Variants in MYO15B observed in about 807,000 individuals in gnomAD.
MYO15B encodes the protein myosin XVB.
MYO15B carries 207 observed loss-of-function variants against 119.3 expected under a neutral mutation model. The observed-to-expected ratio is 1.73, with a 90% CI of 1.55 to 1.95. The LOEUF (loss-of-function observed/expected upper bound fraction) is 1.95. Among genes scored for constraint, MYO15B ranks in the 30% most tolerant of loss-of-function variants. The pLI is 0.00. For synonymous variants in MYO15B, 966 were observed against 498.9 expected (o/e 1.94, Z -12.48); for missense variants, 2,264 against 1,203.1 (o/e 1.88, Z -13.04).
rs1298533965 is a variant in MYO15B, at chr17:75,623,385, T to C, written c.8083-396T>C. Among the ~76,000 whole-genome samples the C allele has an allele frequency of 4.6e-5, 7 of 152,162 alleles. No individual in the cohort carries two copies. In the East Asian group the frequency reaches 1.4e-3, roughly 29 times the overall value. ...GGCCCACATCTGTAATCCCAGCACT[T>C]TGGGAGGCCAAGGCGGGTGGATCAC... On this transcript the variant is annotated intron_variant, in intron 53 of 63. Coordinates refer to ENST00000645453, the Ensembl canonical transcript of MYO15B.
chr17:75,589,692 C>CG lies in MYO15B; in HGVS notation c.1636dup (p.Val546GlyfsTer18). 1 of 398,798 alleles carries CG rather than the reference C, an allele frequency of 2.5e-6. No homozygotes were observed. Among genetic ancestry groups the CG allele is most frequent in the Non-Finnish European group, 4.4e-6 (1 of 226,034 alleles). 24.7% of individuals were successfully genotyped at this position (398,798 alleles called of 1,614,324 possible). A position where few individuals can be genotyped will look rare whatever the true frequency, so the allele number is the denominator to read the frequency against. Reference sequence around the variant, plus strand: ...AGACTCCAGATCCCAAGTTCGCGGTCGTGTTCCCCAGGATCCACAGGGCAG... The same window carrying CG: ...AGACTCCAGATCCCAAGTTCGCGGTCGGTGTTCCCCAGGATCCACAGGGCAG... On this transcript the variant is annotated frameshift_variant, in exon 1 of 64. Coordinates refer to ENST00000645453, the Ensembl canonical transcript of MYO15B. LOFTEE classifies it high-confidence loss of function. The surrounding 1 kb of genome is among the most constrained non-coding windows in gnomAD (Gnocchi z 4.2).
chr17:75,617,595 G>A, intron 41 of MYO15B: 2 of 413,582 alleles, frequency 4.8e-6, no homozygotes, highest in Non-Finnish European at 9.0e-6. Flanking sequence ...GGCTGACATG[G>A]TCATAGAAGA....
At chr17:75,588,325 G>C (rs1042037498) in exon 1 of MYO15B, 2 of 398,484 alleles carry the variant, frequency 5.0e-6, no homozygotes, top group African/African-American at 4.1e-5. Context: ...GAAAGCCCAG[G>C]AGAGGCAAAG....
intron 14 of MYO15B, among the ~76,000 whole-genome samples, chr17:75,598,905 A>G (rs820264): frequency 0.67 from 101,719 of 151,900 alleles, 34,441 homozygotes; most frequent in East Asian, 0.78. Flanking sequence ...TGTGACATGT[A>G]CCATTTTCTG....
exon 64 of MYO15B, chr17:75,626,808 G>T: frequency 2.1e-6 from 1 of 482,922 alleles, no homozygotes; most frequent in Non-Finnish European, 3.7e-6. Context: ...GCCCAGGCAT[G>T]GGAGAAACAG....
intron 14 of MYO15B, among the ~76,000 whole-genome samples, chr17:75,599,345 G>A (rs2057090504): frequency 6.6e-6 from 1 of 151,766 alleles, no homozygotes; most frequent in Non-Finnish European, 1.5e-5. Context: ...CGTGATCTTG[G>A]CCCACTGCAA....
In MYO15B at chr17:75,621,950, G is replaced by C. The variant is rs945219144; in HGVS notation, c.8006-54G>C. 107 of 698,380 alleles carry C rather than the reference G, an allele frequency of 1.5e-4. 2 individuals are homozygous for C. Among genetic ancestry groups the C allele is most frequent in the South Asian group, 1.2e-3 (81 of 67,426 alleles). The allele number at this position is 698,380 out of a possible 1,614,324, so 43.3% of individuals were successfully genotyped here. On this transcript the variant is annotated intron_variant, in intron 52 of 63. Transcript: ENST00000645453. ...CCTGCACAGCAACAGCATGAGCCGG[G>C]GCCAGCCCCAGCACAGCCCCAGCTA... is the stretch of plus-strand genomic sequence containing the variant.
At chr17:75,592,172 T>G (rs1027227533) in intron 6 of MYO15B, 66 bp from the exon 7 acceptor site, 16 of 701,070 alleles carry the variant, frequency 2.3e-5, no homozygotes, top group Non-Finnish European at 3.6e-5. Flanking sequence ...TGGTAGGGCT[T>G]CTTCTGCACG....
Position 75,624,080 on chromosome 17 carries a change from G to A in MYO15B, c.8272+16G>A, listed in dbSNP as rs1164386887. 1 of 703,034 alleles carries A rather than the reference G, an allele frequency of 1.4e-6. No homozygotes were observed. Among genetic ancestry groups the A allele is most frequent in the Non-Finnish European group, 2.6e-6 (1 of 384,982 alleles). The allele number at this position is 703,034 out of a possible 1,614,324, so 43.5% of individuals were successfully genotyped here. ...CCCAGCCAAGGTGCCCGTGGGAAGG[G>A]GAGATGGAGGAGAGGCAGGGGTTTC... On this transcript the variant is annotated intron_variant, in intron 55 of 63. Transcript: ENST00000645453.
chr17:75,621,491 T>C lies in MYO15B; in HGVS notation c.7936-10T>C, dbSNP rs1474200657. Reference sequence around the variant, plus strand: ...CCCCCAGACCCATGGCCTCCTCTCTTTGGCCACAGGCTCCCATCCAGGAGT... The same window carrying C: ...CCCCCAGACCCATGGCCTCCTCTCTCTGGCCACAGGCTCCCATCCAGGAGT... On this transcript the variant is annotated splice_polypyrimidine_tract_variant and intron_variant, in intron 51 of 63. Transcript: ENST00000645453. 7.1e-6 allele frequency: 5 copies of C among 701,560 alleles called. No homozygotes were observed. The highest frequency in any genetic ancestry group is 3.5e-5 in the African/African-American group (2 of 57,334). The allele number at this position is 701,560 out of a possible 1,614,324, so 43.5% of individuals were successfully genotyped here.
At chr17:75,616,546 C>G (rs565772663) in exon 39 of MYO15B, 80 of 702,700 alleles carry the variant, frequency 1.1e-4, no homozygotes, top group Non-Finnish European at 1.9e-4. Context: ...CTCCTCCCCC[C>G]ATCGTGAAGA....
exon 36 of MYO15B, chr17:75,615,715 C>T: frequency 1.4e-6 from 1 of 693,574 alleles, no homozygotes; most frequent in Admixed American, 2.0e-5. Flanking sequence ...ACAGCCCAGG[C>T]CATGTCCCTG....
intron 21 of MYO15B, among the ~76,000 whole-genome samples, chr17:75,607,434 T>A (rs200834235): frequency 1.0e-3 from 12 of 11,984 alleles, no homozygotes; most frequent in African/African-American, 1.3e-3. Flanking sequence ...AATAATTAAT[T>A]ATTATTATTA....
At chr17:75,607,078 C>G (rs2057704285) in intron 21 of MYO15B, 1 of 397,456 alleles carries the variant, frequency 2.5e-6, no homozygotes, top group Admixed American at 4.4e-5. Context: ...GTAGAGCAGC[C>G]AGTGATCTTC....
chr17:75,601,266 T>TA (rs1322930330), intron 14 of MYO15B, among the ~76,000 whole-genome samples, 172 bp from the exon 15 acceptor site: 1 of 152,112 alleles, frequency 6.6e-6, no homozygotes, highest in Non-Finnish European at 1.5e-5. Flanking sequence ...CTCGAACTCC[T>TA]ATCCTCAAAC....
chr17:75,618,470 T>A (rs549191933), intron 43 of MYO15B, among the ~76,000 whole-genome samples: 1 of 152,174 alleles, frequency 6.6e-6, no homozygotes, highest in Non-Finnish European at 1.5e-5. Flanking sequence ...CTGGCCAACA[T>A]GGTGAAACTC....
chr17:75,617,579 G>A (rs375869405), intron 41 of MYO15B: 1 of 572,684 alleles, frequency 1.7e-6, no homozygotes. Flanking sequence ...GGAAGTTAGT[G>A]GCCCTGGCTG....
Position 75,614,944 on chromosome 17 carries a change from G to T in MYO15B, c.5560-17G>T. On this transcript the variant is annotated splice_polypyrimidine_tract_variant and intron_variant, in intron 32 of 63. Transcript: ENST00000645453. ...TCTCAGGGCTCTCACTCTGACCTGT[G>T]ACCATTGTCCCTTTAGGATCTGGAA... is the stretch of plus-strand genomic sequence containing the variant. 1.4e-6 allele frequency: 1 copy of T among 703,034 alleles called. No individual in the cohort carries two copies. Among genetic ancestry groups the T allele is most frequent in the South Asian group, 1.5e-5 (1 of 67,590 alleles). 43.5% of individuals were successfully genotyped at this position (703,034 alleles called of 1,614,324 possible).
At chr17:75,624,992 C>T (rs891758394) in intron 59 of MYO15B, 76 bp downstream of exon 59, 2 of 682,626 alleles carry the variant, frequency 2.9e-6, no homozygotes, top group Non-Finnish European at 5.4e-6. Flanking sequence ...CCAAGCCCCT[C>T]TCCCCACAAG....
Sources: gnomAD v4.1 joint callset for allele counts (sites outside exome capture counted in the v4.1 genomes callset) on GRCh38, gnomAD v4.1.1 for gene constraint, Gnocchi (gnomAD v3.1) non-coding constraint, MANE v1.5 for transcripts, NCBI Gene and HGNC (gene_info 2026-07-23, HGNC 2026-07-21) for gene names.